CTNNA2: variants seen among roughly 807,000 people sequenced by gnomAD.
The protein encoded by CTNNA2 is catenin alpha-2.
In CTNNA2, 42 loss-of-function variants were observed where a neutral mutation model predicts 101.0. That is an observed-to-expected ratio of 0.42 (90% CI 0.32 to 0.54). The LOEUF is 0.54. Ranked by LOEUF, CTNNA2 falls within the 20% of genes least tolerant of loss-of-function variation. CTNNA2 has a pLI of 0.14. For synonymous variants in CTNNA2, 450 were observed against 456.4 expected (o/e 0.99, Z 0.18); for missense variants, 871 against 1,223.1 (o/e 0.71, Z 4.29).
intron 4 of CTNNA2, among the ~76,000 whole-genome samples, chr2:79,413,934 CAT>C (rs70940033): frequency 0.022 from 3,072 of 139,150 alleles, 24 homozygotes; most frequent in East Asian, 0.042. Context: ...GAGCTGAATT[CAT>C]ATATATATAT....
intron 3 of CTNNA2, among the ~76,000 whole-genome samples, chr2:79,365,544 C>T (rs898697564): frequency 6.7e-6 from 1 of 149,680 alleles, no homozygotes; most frequent in South Asian, 2.1e-4. Context: ...GAGGATGGCC[C>T]AAGCCCAGGA....
intron 7 of CTNNA2, among the ~76,000 whole-genome samples, chr2:80,316,965 TTATC>T (rs540620435): frequency 1.3e-5 from 2 of 152,250 alleles, no homozygotes; most frequent in South Asian, 4.1e-4. Flanking sequence ...TGGACCTGCT[TTATC>T]TACGGGTAGG....
At chr2:80,096,276 A>T (rs1036065711) in intron 7 of CTNNA2, among the ~76,000 whole-genome samples, 8 of 152,234 alleles carry the variant, frequency 5.3e-5, no homozygotes, top group African/African-American at 1.9e-4. Context: ...GTAGTCGTTC[A>T]GGAGCAGGTT....
At chr2:80,129,552 G>A (rs551170449) in intron 7 of CTNNA2, among the ~76,000 whole-genome samples, 1 of 152,258 alleles carries the variant, frequency 6.6e-6, no homozygotes, top group South Asian at 2.1e-4. Context: ...GCTATCTACT[G>A]TTGGTTCAGT....
chr2:79,197,866 TG>T (rs776883639), intron 1 of CTNNA2: 15 of 152,310 alleles, frequency 9.8e-5, no homozygotes, highest in Non-Finnish European at 1.5e-4. Context: ...CTCCGCCTCC[TG>T]GGTTCAGGAG....
At chr2:79,791,881 T>C (rs1675299205) in intron 3 of CTNNA2, among the ~76,000 whole-genome samples, 1 of 152,158 alleles carries the variant, frequency 6.6e-6, no homozygotes, top group South Asian at 2.1e-4. Context: ...TTCTCAACCA[T>C]CTACCAGAAT....
intron 7 of CTNNA2, among the ~76,000 whole-genome samples, chr2:79,949,244 A>G (rs559849791): frequency 2.0e-5 from 3 of 152,254 alleles, no homozygotes; most frequent in Admixed American, 1.3e-4. Context: ...ATGACCCCCA[A>G]GGCCTTGTTT....
intron 4 of CTNNA2, among the ~76,000 whole-genome samples, chr2:79,863,509 T>G (rs980267773): frequency 6.6e-6 from 1 of 151,958 alleles, no homozygotes; most frequent in Admixed American, 6.6e-5. Flanking sequence ...GTGGAAAGAG[T>G]TGGCCCCATC....
At chr2:79,937,513 A>C (rs1000618411) in intron 7 of CTNNA2, among the ~76,000 whole-genome samples, 2 of 152,142 alleles carry the variant, frequency 1.3e-5, no homozygotes, top group African/African-American at 2.4e-5. Context: ...TATTTCTCTA[A>C]ATTTTCTCAC....
intron 9 of CTNNA2, among the ~76,000 whole-genome samples, chr2:80,510,286 T>G (rs1175956729): frequency 1.3e-5 from 2 of 152,204 alleles, no homozygotes; most frequent in Non-Finnish European, 2.9e-5. Context: ...AGAGATGTCC[T>G]TCTGATTATC....
intron 7 of CTNNA2, among the ~76,000 whole-genome samples, chr2:80,368,451 A>C (rs1467965478): frequency 6.6e-6 from 1 of 152,140 alleles, no homozygotes; most frequent in Non-Finnish European, 1.5e-5. Context: ...TTTTACGTGC[A>C]TGTGCTAAAT....
At chr2:79,225,560 C>T (rs944430272) in intron 2 of CTNNA2, among the ~76,000 whole-genome samples, 1 of 152,020 alleles carries the variant, frequency 6.6e-6, no homozygotes, top group African/African-American at 2.4e-5. Context: ...CAATAGGAGG[C>T]AATTAAATAT....
intron 11 of CTNNA2, among the ~76,000 whole-genome samples, chr2:80,552,571 G>A (rs12612254): frequency 0.31 from 46,859 of 152,046 alleles, 7,912 homozygotes; most frequent in East Asian, 0.6. Context: ...GTTGCTTGAC[G>A]ACAGGCATAT....
At position 79,295,246 on chromosome 2, in the gene CTNNA2, C is replaced by T. The variant is rs1228945055; in HGVS notation, c.-405-17463C>T. On this transcript the variant is annotated intron_variant, in intron 2 of 21. Transcript: ENST00000466387. ...TATACTTCGGCAGATAACCTCAACA[C>T]TTACCTTGCTGAGAAGAAACCCTGC... 6.6e-5 allele frequency among the ~76,000 whole-genome samples: 10 copies of T among 152,164 alleles called. No individual in the cohort carries two copies. The East Asian group carries it at 1.9e-3, about 29-fold the overall frequency.
chr2:80,146,710 G>GTT (rs34019123), intron 7 of CTNNA2, among the ~76,000 whole-genome samples: 9,247 of 61,514 alleles, frequency 0.15, 3,400 homozygotes, highest in Non-Finnish European at 0.21. Context: ...GTCCCCTCTG[G>GTT]TTTTTTTTTT....
chr2:79,486,209 T>A (rs7599526), intron 4 of CTNNA2, among the ~76,000 whole-genome samples: 45,251 of 146,538 alleles, frequency 0.31, 7,533 homozygotes, highest in African/African-American at 0.42. Flanking sequence ...TATCTCCTAA[T>A]GCTATCCCTC....
rs138446182 is a variant in CTNNA2, at chr2:79,917,779, G to C, written c.1056+7982G>C. ...GGAGAATCTCCAGTCATGCTGGCAG[G>C]ACATCTTCTCTGGTAGAATCATGAC... On this transcript the variant is annotated intron_variant, in intron 7 of 18. Coordinates refer to ENST00000402739, the MANE Select transcript of CTNNA2 (RefSeq NM_001282597.3). Among the ~76,000 whole-genome samples, 353 of 152,312 alleles carry C rather than the reference G, an allele frequency of 2.3e-3. 4 individuals carry two copies. Among genetic ancestry groups the C allele is most frequent in the African/African-American group, 7.9e-3 (327 of 41,568 alleles).
chr2:80,144,939 A>G (rs1340404058), intron 7 of CTNNA2, among the ~76,000 whole-genome samples: 2 of 151,932 alleles, frequency 1.3e-5, no homozygotes, highest in Non-Finnish European at 2.9e-5. Flanking sequence ...GCCTCTACCC[A>G]CTAGATGCAA....
At position 80,647,551 on chromosome 2, in the gene CTNNA2, A is replaced by T. The variant is rs552589146; in HGVS notation, c.2575-34A>T. ...ATTTTGTGAATTTGGGGCCTCCATT[A>T]ACCCACATGTATCTCATTCTTTTCC... On this transcript the variant is annotated intron_variant, in intron 18 of 18. Transcript: ENST00000402739. 3.9e-6 allele frequency: 6 copies of T among 1,539,714 alleles called. No individual in the cohort carries two copies. The African/African-American group carries it at 4.1e-5, about 11-fold the overall frequency.
Sources: allele counts gnomAD v4.1 joint callset (sites outside exome capture counted in the v4.1 genomes callset), GRCh38; gene constraint gnomAD v4.1.1; transcripts MANE v1.5; gene names NCBI Gene and HGNC (gene_info 2026-07-23, HGNC 2026-07-21).